The following SHROOM3 variants were observed in gnomAD, a reference collection of about 807,000 sequenced individuals.
SHROOM3 encodes protein Shroom3.
SHROOM3 carries 47 observed loss-of-function variants against 138.6 expected under a neutral mutation model. That is an observed-to-expected ratio of 0.34 (90% CI 0.27 to 0.43). The LOEUF is 0.43. Ranked by LOEUF, SHROOM3 falls within the 20% of genes least tolerant of loss-of-function variation. The probability of loss-of-function intolerance (pLI) is 1.00; values close to 1 mark genes in which losing one functional copy is unlikely to be tolerated. For missense variants in SHROOM3, 2,491 were observed against 2,596.5 expected (o/e 0.96, Z 0.88); for synonymous variants, 1,062 against 1,063.3 (o/e 1.00, Z 0.02).
At chr4:76,748,898 G>T in intron 5 of SHROOM3, 119 bp from the exon 6 acceptor site, 1 of 827,746 alleles carries the variant, frequency 1.2e-6, no homozygotes, top group South Asian at 1.3e-5. Flanking sequence ...CCACCACGTG[G>T]CCTGACAATA....
In SHROOM3 at chr4:76,740,805, C is replaced by A; in HGVS notation, c.2632C>A (p.Pro878Thr). 1 of 1,608,390 alleles carries A rather than the reference C, an allele frequency of 6.2e-7. No individual in the cohort carries two copies. Among genetic ancestry groups the A allele is most frequent in the Non-Finnish European group, 8.5e-7 (1 of 1,177,584 alleles). ...SGGASDSGRG[P>T]QRPDARLLRS... is the part of the protein sequence containing the mutation. The stretch of plus-strand genomic sequence containing the variant: ...AGGAGCGTCGGACAGCGGCCGTGGC[C>A]CCCAGAGGCCGGACGCTCGGCTCCT... Residue 878 changes from proline to threonine, a missense_variant, in exon 5 of 11, where the codon CCC (proline) becomes ACC (threonine). Transcript: ENST00000296043. The surrounding 1 kb of genome is among the most constrained non-coding windows in gnomAD (Gnocchi z 4.0).
chr4:76,592,173 A>G (rs1734287123), intron 2 of SHROOM3, among the ~76,000 whole-genome samples: 2 of 152,176 alleles, frequency 1.3e-5, no homozygotes, highest in Non-Finnish European at 2.9e-5. Context: ...CAGAGAGAAG[A>G]GCATATGCAA....
chr4:76,582,419 G>T (rs1292825312), intron 2 of SHROOM3, among the ~76,000 whole-genome samples: 1 of 151,922 alleles, frequency 6.6e-6, no homozygotes, highest in South Asian at 2.1e-4. Context: ...TCATTATTTT[G>T]TGCAGCTTTC....
At chr4:76,623,857 G>A (rs1199450451) in intron 2 of SHROOM3, among the ~76,000 whole-genome samples, 2 of 152,128 alleles carry the variant, frequency 1.3e-5, no homozygotes, top group African/African-American at 4.8e-5. Context: ...GCGGGGGAAG[G>A]GGAGAAAGAT....
intron 2 of SHROOM3, among the ~76,000 whole-genome samples, chr4:76,635,864 G>A (rs1560574097): frequency 6.6e-6 from 1 of 152,320 alleles, no homozygotes; most frequent in East Asian, 1.9e-4. Context: ...CTGGCATTTG[G>A]TTTGTGCTGT....
chr4:76,511,434 A>G (rs1732335225), intron 1 of SHROOM3, among the ~76,000 whole-genome samples: 1 of 152,134 alleles, frequency 6.6e-6, no homozygotes, highest in Admixed American at 6.5e-5. Context: ...TTTTATCGCT[A>G]TAATCGGAAT....
At chr4:76,484,867 A>C (rs1731696293) in intron 1 of SHROOM3, among the ~76,000 whole-genome samples, 1 of 152,084 alleles carries the variant, frequency 6.6e-6, no homozygotes, top group African/African-American at 2.4e-5. Flanking sequence ...CCTCTCTGGG[A>C]CCCAAGCTCT....
intron 1 of SHROOM3, among the ~76,000 whole-genome samples, chr4:76,456,203 C>T (rs1474497361): frequency 1.3e-5 from 2 of 152,126 alleles, no homozygotes; most frequent in Non-Finnish European, 2.9e-5. Flanking sequence ...GAACAGGTTT[C>T]ACCATGTTGG....
intron 3 of SHROOM3, chr4:76,716,105 C>T (rs144710416): frequency 9.1e-4 from 242 of 267,342 alleles, no homozygotes; most frequent in East Asian, 4.1e-3. Context: ...GATGCCAGCT[C>T]TTCTCAGGGA....
chr4:76,627,142 C>T (rs924790376), intron 2 of SHROOM3, among the ~76,000 whole-genome samples: 1 of 152,150 alleles, frequency 6.6e-6, no homozygotes, highest in African/African-American at 2.4e-5. Flanking sequence ...AGGATCACAG[C>T]ACTTTGGGGG....
chr4:76,743,622 TA>T (rs1721334306), intron 5 of SHROOM3, among the ~76,000 whole-genome samples: 1 of 152,222 alleles, frequency 6.6e-6, no homozygotes, highest in African/African-American at 2.4e-5. Flanking sequence ...TGCAGAACAA[TA>T]GATACTAGTG....
In SHROOM3 at chr4:76,479,646, C is replaced by T. The variant is rs993460523; in HGVS notation, c.168+43426C>T. Among the ~76,000 whole-genome samples, 9 of 152,128 alleles carry T rather than the reference C, an allele frequency of 5.9e-5. No individual in the cohort carries two copies. The East Asian group carries it at 1.7e-3, about 29-fold the overall frequency. ...ATACAGAGAATACCATAAAGATACT[C>T]CTCAAGAAGAACAACCCCAAGACAC... On this transcript the variant is annotated intron_variant, in intron 1 of 10. Coordinates refer to ENST00000296043, the MANE Select transcript of SHROOM3 (RefSeq NM_020859.4).
intron 9 of SHROOM3, among the ~76,000 whole-genome samples, chr4:76,761,540 C>T (rs1721988147): frequency 1.3e-5 from 2 of 152,150 alleles, no homozygotes; most frequent in Admixed American, 1.3e-4. Flanking sequence ...TTAATAGATG[C>T]TAAAGTCAGA....
At chr4:76,773,958 TACTC>T (rs1722458005) in intron 10 of SHROOM3, among the ~76,000 whole-genome samples, 2 of 152,188 alleles carry the variant, frequency 1.3e-5, no homozygotes, top group East Asian at 1.9e-4. Context: ...CTTTGTGACT[TACTC>T]AGCCTGGGGA....
At position 76,755,049 on chromosome 4, in the gene SHROOM3, A is replaced by G. The variant is rs1443928848; in HGVS notation, c.4566A>G (p.Thr1522=). Residue 1522 remains threonine, a synonymous_variant, in exon 7 of 11, where the codon ACA becomes ACG. Coordinates refer to ENST00000296043, the MANE Select transcript of SHROOM3 (RefSeq NM_020859.4). Reference sequence around the variant, plus strand: ...ACCCCAAGGCCACGTCCAGCCCCACATTTGAACCTCTTCCCCCACCCCCAC... The same window carrying G: ...ACCCCAAGGCCACGTCCAGCCCCACGTTTGAACCTCTTCCCCCACCCCCAC... ...DPHPKATSSP[T]FEPLPPPPPP... is the part of the protein sequence containing the mutation. 2.5e-6 allele frequency: 4 copies of G among 1,601,724 alleles called. No individual in the cohort carries two copies. The highest frequency in any genetic ancestry group is 3.4e-6 in the Non-Finnish European group (4 of 1,172,084).
chr4:76,450,211 T>C (rs1411909804), intron 1 of SHROOM3, among the ~76,000 whole-genome samples: 1 of 152,202 alleles, frequency 6.6e-6, no homozygotes, highest in Non-Finnish European at 1.5e-5. Flanking sequence ...TTCTTTTTTG[T>C]CAAAATTGCT....
chr4:76,630,219 G>T (rs1735274449), intron 2 of SHROOM3, among the ~76,000 whole-genome samples: 1 of 152,190 alleles, frequency 6.6e-6, no homozygotes, highest in African/African-American at 2.4e-5. Context: ...AAGAGGCTAG[G>T]CTCAGAGGAG....
At chr4:76,710,083 T>G (rs1720186179) in intron 2 of SHROOM3, 73 bp from the exon 3 acceptor site, 1 of 1,608,196 alleles carries the variant, frequency 6.2e-7, no homozygotes, top group Admixed American at 1.7e-5. Context: ...GCTTTTTCGG[T>G]TTTTAAGATT....
chr4:76,608,551 A>ATAGCGTAGCG (rs1161711693), intron 2 of SHROOM3, among the ~76,000 whole-genome samples: 3 of 75,956 alleles, frequency 3.9e-5, no homozygotes, highest in African/African-American at 1.3e-4. Flanking sequence ...ATAGCATAGC[A>ATAGCGTAGCG]TAGCATAGCA....
Sources: allele counts gnomAD v4.1 joint callset (sites outside exome capture counted in the v4.1 genomes callset), GRCh38; gene constraint gnomAD v4.1.1; non-coding constraint Gnocchi (gnomAD v3.1); transcripts MANE v1.5; gene names NCBI Gene and HGNC (gene_info 2026-07-23, HGNC 2026-07-21).